Variants in SRGAP3 observed in about 807,000 individuals in gnomAD.
SRGAP3 encodes the protein SLIT-ROBO Rho GTPase-activating protein 3.
In SRGAP3, 39 loss-of-function variants were observed where a neutral mutation model predicts 121.1. The observed-to-expected ratio is 0.32, with a 90% confidence interval of 0.25 to 0.42. SRGAP3 has a LOEUF of 0.42. SRGAP3 is among the 10% of genes least tolerant of loss of function. The pLI, the probability that SRGAP3 is intolerant of heterozygous loss-of-function variation, is 1.00. For synonymous variants in SRGAP3, 601 were observed against 570.0 expected (o/e 1.05, Z -0.77); for missense variants, 1,213 against 1,470.6 (o/e 0.82, Z 2.86).
chr3:9,066,003 T>C (rs376164766), intron 4 of SRGAP3, among the ~76,000 whole-genome samples: 6 of 152,308 alleles, frequency 3.9e-5, no homozygotes, highest in East Asian at 1.9e-4. Context: ...TTTGCCATGT[T>C]GTCCAAGCTC....
intron 1 of SRGAP3, among the ~76,000 whole-genome samples, chr3:9,219,928 G>A (rs76741868): frequency 0.046 from 6,985 of 152,226 alleles, 527 homozygotes; most frequent in African/African-American, 0.16. Flanking sequence ...AAATAAGCCA[G>A]GCACAAAAAG....
intron 1 of SRGAP3, among the ~76,000 whole-genome samples, chr3:9,215,395 G>T (rs941418623): frequency 6.6e-6 from 1 of 152,156 alleles, no homozygotes; most frequent in African/African-American, 2.4e-5. Context: ...TCCCTCACTA[G>T]TTAGGAGGAA....
At chr3:9,101,124 G>A (rs765753465) in intron 3 of SRGAP3, among the ~76,000 whole-genome samples, 3 of 152,206 alleles carry the variant, frequency 2.0e-5, no homozygotes, top group African/African-American at 4.8e-5. Flanking sequence ...TATTGATCAC[G>A]GATGTTCCCA....
At chr3:9,058,714 CTTTTT>C (rs71049768) in intron 6 of SRGAP3, 1,159 of 211,970 alleles carry the variant, frequency 5.5e-3, no homozygotes, top group South Asian at 9.4e-3. Context: ...TTCTCTCTCT[CTTTTT>C]TTTTTTTTTT....
chr3:8,987,727 C>T (rs951695962), intron 21 of SRGAP3, among the ~76,000 whole-genome samples: 8 of 152,130 alleles, frequency 5.3e-5, no homozygotes, highest in African/African-American at 9.7e-5. Flanking sequence ...CCCAGAACAC[C>T]GGCAACTTTA....
chr3:9,335,132 A>G (rs1955670503), intron 1 of SRGAP3, among the ~76,000 whole-genome samples: 1 of 152,124 alleles, frequency 6.6e-6, no homozygotes, highest in African/African-American at 2.4e-5. Flanking sequence ...GGGTTTTCTC[A>G]GCAGTTTTTC....
At chr3:9,344,422 T>C (rs1175683668) in intron 1 of SRGAP3, among the ~76,000 whole-genome samples, 5 of 152,208 alleles carry the variant, frequency 3.3e-5, no homozygotes, top group African/African-American at 1.2e-4. Context: ...GCCACCGGAC[T>C]CTAGCCTGGG....
chr3:9,115,490 C>T (rs539803647), intron 2 of SRGAP3, among the ~76,000 whole-genome samples: 99 of 152,186 alleles, frequency 6.5e-4, no homozygotes, highest in African/African-American at 2.4e-3. Context: ...TTGGTAGTTG[C>T]TGATTAGAGT....
intron 12 of SRGAP3, chr3:9,027,957 C>A: frequency 1.0e-6 from 1 of 978,160 alleles, no homozygotes; most frequent in Non-Finnish European, 1.6e-6. Flanking sequence ...CCTGTGAATT[C>A]TTTCCTTGAT....
At chr3:9,322,931 C>A (rs1050608536) in intron 3 of SRGAP3, among the ~76,000 whole-genome samples, 2 of 151,836 alleles carry the variant, frequency 1.3e-5, no homozygotes, top group African/African-American at 4.8e-5. Flanking sequence ...CTAGAAATAT[C>A]CTTCAACAGG....
Position 9,234,392 on chromosome 3 carries a change from T to C in SRGAP3, c.67+14493A>G, listed in dbSNP as rs182434501. Among the ~76,000 whole-genome samples, 3 of 152,240 alleles carry C rather than the reference T, an allele frequency of 2.0e-5. No homozygotes were observed. The East Asian group carries it at 5.8e-4, about 29-fold the overall frequency. ...GAGACACTGAGTTGGAGAACAGCCA[T>C]GTCGCTTGGCCAGTTCACATTCTTT... On this transcript the variant is annotated intron_variant, in intron 1 of 21. Coordinates refer to ENST00000383836, the MANE Select transcript of SRGAP3 (RefSeq NM_014850.4).
intron 5 of SRGAP3, among the ~76,000 whole-genome samples, 157 bp from the exon 6 acceptor site, chr3:9,060,516 C>T (rs1328358249): frequency 6.9e-6 from 1 of 144,800 alleles, no homozygotes. Context: ...AGCCTTAACT[C>T]CTGGACTCAA....
rs186912099 is a variant in SRGAP3 at position 9,051,775 on chromosome 3, C to G, written c.1323+1252G>C. On this transcript the variant is annotated intron_variant, in intron 9 of 21. Transcript: ENST00000383836. Reference sequence around the variant, plus strand: ...GTCACCCAGGCTGGAGGCAGTGGCACGATCTTGGCTCACTGCAACCTCCAC... The same window carrying G: ...GTCACCCAGGCTGGAGGCAGTGGCAGGATCTTGGCTCACTGCAACCTCCAC... 8.3e-3 allele frequency among the ~76,000 whole-genome samples: 1,195 copies of G among 143,672 alleles called. 13 individuals carry two copies. Among genetic ancestry groups the G allele is most frequent in the African/African-American group, 0.029 (1,133 of 38,486 alleles). 94.3% of individuals were successfully genotyped at this position (143,672 alleles called of 152,430 possible).
intron 3 of SRGAP3, among the ~76,000 whole-genome samples, chr3:9,261,875 T>TAAAAA (rs1559248968): frequency 8.9e-5 from 7 of 78,532 alleles, no homozygotes; most frequent in Admixed American, 7.8e-4. Flanking sequence ...CCTCATATAT[T>TAAAAA]TAAAAAAAAA....
chr3:9,291,714 T>C (rs1048210916), intron 3 of SRGAP3, among the ~76,000 whole-genome samples: 1 of 152,172 alleles, frequency 6.6e-6, no homozygotes, highest in South Asian at 2.1e-4. Flanking sequence ...CATTTCTACA[T>C]ACCTCTGGCA....
intron 13 of SRGAP3, 65 bp downstream of exon 13, chr3:9,026,870 C>T (rs1944233557): frequency 6.4e-7 from 1 of 1,561,292 alleles, no homozygotes; most frequent in African/African-American, 1.4e-5. Flanking sequence ...ATCTCATTTC[C>T]TATCAGAACA....
At chr3:9,250,795 C>G (rs1417240768), upstream of SRGAP3, among the ~76,000 whole-genome samples, 1 of 152,168 alleles carries the variant, frequency 6.6e-6, no homozygotes, top group East Asian at 1.9e-4. Context: ...CCAACCCAGG[C>G]TCAAAGTCTC....
chr3:9,068,518 G>T (rs1208291924), intron 4 of SRGAP3, among the ~76,000 whole-genome samples: 3 of 152,064 alleles, frequency 2.0e-5, no homozygotes, highest in African/African-American at 7.2e-5. Flanking sequence ...TGATCTACTC[G>T]ATTCCTGATT....
Position 9,146,247 on chromosome 3 carries a change from G to A in SRGAP3, c.68-21330C>T, listed in dbSNP as rs866465694. Among the ~76,000 whole-genome samples the A allele has an allele frequency of 5.3e-5, 8 of 152,316 alleles. No individual in the cohort carries two copies. The East Asian group carries it at 5.8e-4, about 11-fold the overall frequency. ...GCTAACTTGTACAAGAACCCCATGC[G>A]TGGAGTGCCACAGGGCCCATCTCAA... On this transcript the variant is annotated intron_variant, in intron 1 of 21. Transcript: ENST00000383836.
Sources: gnomAD v4.1 joint callset for allele counts (sites outside exome capture counted in the v4.1 genomes callset) on GRCh38, gnomAD v4.1.1 for gene constraint, MANE v1.5 for transcripts, NCBI Gene and HGNC (gene_info 2026-07-23, HGNC 2026-07-21) for gene names.